Variants in CDH13 observed in about 807,000 individuals in gnomAD.
CDH13 encodes the protein cadherin-13.
CDH13 carries 24 observed loss-of-function variants against 63.8 expected under a neutral mutation model. The ratio of observed to expected loss-of-function variants is 0.38; its 90% CI spans 0.27 to 0.53. The LOEUF (loss-of-function observed/expected upper bound fraction) is 0.53. CDH13 is among the 20% of genes least tolerant of loss of function. The pLI is 0.85. For synonymous variants in CDH13, 503 were observed against 355.3 expected (o/e 1.42, Z -4.67); for missense variants, 1,049 against 903.1 (o/e 1.16, Z -2.07).
At chr16:83,024,899 T>C (rs1244678605) in intron 2 of CDH13, among the ~76,000 whole-genome samples, 1 of 152,144 alleles carries the variant, frequency 6.6e-6, no homozygotes, top group African/African-American at 2.4e-5. Flanking sequence ...AGTGAAGGGA[T>C]TCAACAATGG....
intron 1 of CDH13, among the ~76,000 whole-genome samples, chr16:82,759,506 T>C (rs184964877): frequency 1.3e-3 from 203 of 151,382 alleles, no homozygotes; most frequent in African/African-American, 4.6e-3. Context: ...AAATAGGGGA[T>C]TGTATATTAA....
chr16:83,531,450 T>A (rs561357896), intron 7 of CDH13, among the ~76,000 whole-genome samples: 1 of 152,300 alleles, frequency 6.6e-6, no homozygotes, highest in South Asian at 2.1e-4. Context: ...TGTGATTAAG[T>A]CAAGGATCTT....
chr16:82,864,061 G>T (rs2040038016), intron 2 of CDH13, among the ~76,000 whole-genome samples: 1 of 152,164 alleles, frequency 6.6e-6, no homozygotes, highest in South Asian at 2.1e-4. Flanking sequence ...TCAGTTCTTT[G>T]AGTAAATTTT....
chr16:82,883,301 A>G (rs1456630585), intron 2 of CDH13, among the ~76,000 whole-genome samples: 1 of 152,224 alleles, frequency 6.6e-6, no homozygotes, highest in Non-Finnish European at 1.5e-5. Flanking sequence ...GTTAATTACC[A>G]TCATCCCCAC....
At chr16:83,792,243 C>T (rs1202738036) in intron 13 of CDH13, among the ~76,000 whole-genome samples, 4 of 152,232 alleles carry the variant, frequency 2.6e-5, no homozygotes, top group Non-Finnish European at 5.9e-5. Flanking sequence ...ACATTATGGA[C>T]AATGACAGTT....
At chr16:83,231,974 A>G (rs185938904) in intron 5 of CDH13, among the ~76,000 whole-genome samples, 6 of 152,248 alleles carry the variant, frequency 3.9e-5, no homozygotes, top group Admixed American at 3.3e-4. Context: ...GAAACAGAAA[A>G]CCAAATACCA....
intron 6 of CDH13, among the ~76,000 whole-genome samples, chr16:83,445,903 G>C (rs952036080): frequency 2.0e-5 from 3 of 152,154 alleles, no homozygotes; most frequent in African/African-American, 7.2e-5. Context: ...ACAACAGACA[G>C]TTCAGAGATC....
chr16:83,540,836 G>A (rs1191287525), intron 7 of CDH13, among the ~76,000 whole-genome samples: 1 of 152,138 alleles, frequency 6.6e-6, no homozygotes, highest in African/African-American at 2.4e-5. Flanking sequence ...CACCATGTTG[G>A]CCAGGATGGT....
intron 7 of CDH13, among the ~76,000 whole-genome samples, chr16:83,546,969 A>G (rs1429492521): frequency 6.6e-6 from 1 of 152,180 alleles, no homozygotes; most frequent in African/African-American, 2.4e-5. Context: ...CGGAAGGGAC[A>G]CCTCCGGTCC....
chr16:83,242,049 T>G (rs1444633272), intron 5 of CDH13, among the ~76,000 whole-genome samples: 1 of 152,160 alleles, frequency 6.6e-6, no homozygotes, highest in Non-Finnish European at 1.5e-5. Context: ...CAGTTTTGCT[T>G]GTGGATATTC....
intron 1 of CDH13, among the ~76,000 whole-genome samples, chr16:82,708,897 T>C (rs1273752767): frequency 6.6e-6 from 1 of 152,224 alleles, no homozygotes; most frequent in Non-Finnish European, 1.5e-5. Flanking sequence ...GGCTCTCTTA[T>C]AAATTGATAA....
chr16:83,394,908 G>A (rs2091856569), intron 6 of CDH13, among the ~76,000 whole-genome samples: 1 of 152,156 alleles, frequency 6.6e-6, no homozygotes, highest in Non-Finnish European at 1.5e-5. Flanking sequence ...AACACTCTGG[G>A]AGGCCAAGAC....
At chr16:83,742,017 T>C (rs994738733) in intron 10 of CDH13, among the ~76,000 whole-genome samples, 2 of 151,906 alleles carry the variant, frequency 1.3e-5, no homozygotes, top group African/African-American at 2.4e-5. Flanking sequence ...GCCAAAGAGG[T>C]TGGGGACTGC....
At chr16:83,589,595 T>C (rs1208763971) in intron 7 of CDH13, among the ~76,000 whole-genome samples, 1 of 151,996 alleles carries the variant, frequency 6.6e-6, no homozygotes, top group African/African-American at 2.4e-5. Context: ...ATAGATGTTT[T>C]TCTGTGTGCC....
At chr16:83,501,640 C>G (rs996914245) in intron 7 of CDH13, among the ~76,000 whole-genome samples, 7 of 152,170 alleles carry the variant, frequency 4.6e-5, no homozygotes, top group African/African-American at 1.7e-4. Flanking sequence ...ATCCATTCTA[C>G]TAGGAGGGTT....
At chr16:83,127,604 G>A (rs1567856544) in intron 4 of CDH13, among the ~76,000 whole-genome samples, 1 of 152,116 alleles carries the variant, frequency 6.6e-6, no homozygotes. Context: ...TGGCACGCCT[G>A]TAATCCCAGC....
At position 83,646,702 on chromosome 16, in the gene CDH13, A is replaced by C. The variant is rs918616127; in HGVS notation, c.1102-24088A>C. ...AGCAAGACTCCGTCTCAAAAAAAAA[A>C]AAAAAAAAAAACACACACACACACA... On this transcript the variant is annotated intron_variant, in intron 8 of 13. Transcript: ENST00000567109. 2.2e-3 allele frequency among the ~76,000 whole-genome samples: 129 copies of C among 58,696 alleles called. 1 individual carries two copies. The highest frequency in any genetic ancestry group is 8.9e-3 in the African/African-American group (123 of 13,830). The allele number at this position is 58,696 out of a possible 152,430, so 38.5% of individuals were successfully genotyped here.
chr16:83,327,354 A>G (rs2090387840), intron 5 of CDH13, among the ~76,000 whole-genome samples: 1 of 152,128 alleles, frequency 6.6e-6, no homozygotes, highest in Non-Finnish European at 1.5e-5. Context: ...TCTTTAATGC[A>G]TTGTCTTTTG....
intron 6 of CDH13, among the ~76,000 whole-genome samples, chr16:83,390,661 C>A (rs1029037253): frequency 6.6e-6 from 1 of 152,072 alleles, no homozygotes; most frequent in African/African-American, 2.4e-5. Context: ...AGCCATGGCC[C>A]GAGATCAGAT....
Sources: gnomAD v4.1 joint callset for allele counts (sites outside exome capture counted in the v4.1 genomes callset) on GRCh38, gnomAD v4.1.1 for gene constraint, MANE v1.5 for transcripts, NCBI Gene and HGNC (gene_info 2026-07-23, HGNC 2026-07-21) for gene names.